Variants in HNMT observed in about 807,000 individuals in gnomAD.
HNMT encodes histamine N-methyltransferase.
A neutral mutation model predicts 32.1 loss-of-function variants in HNMT; 30 were observed. That is an observed-to-expected ratio of 0.93 (90% CI 0.70 to 1.27). The LOEUF is 1.27. Among genes scored for constraint, HNMT ranks in the 50% most tolerant of loss-of-function variants. The pLI is 0.00. For missense variants in HNMT, 327 were observed against 346.0 expected (o/e 0.95, Z 0.43); for synonymous variants, 125 against 119.0 (o/e 1.05, Z -0.33).
chr2:138,015,167 G>A lies in HNMT; in HGVS notation c.*1037G>A, dbSNP rs1413138029. The stretch of plus-strand genomic sequence containing the variant: ...TCTTTGGACTGTAGGATTTCAGGGG[G>A]GTTTTGAAAACAAATTTGATGTTTC... On this transcript the variant is annotated 3_prime_UTR_variant, in exon 6 of 6. Transcript: ENST00000280097. 2 of 151,650 alleles carry A rather than the reference G, an allele frequency of 1.3e-5. No homozygotes were observed. Among genetic ancestry groups the A allele is most frequent in the African/African-American group, 4.8e-5 (2 of 41,292 alleles). 9.4% of individuals were successfully genotyped at this position (151,650 alleles called of 1,614,324 possible).
At chr2:137,970,980 T>C (rs1481086593) in intron 2 of HNMT, among the ~76,000 whole-genome samples, 1 of 147,230 alleles carries the variant, frequency 6.8e-6, no homozygotes, top group East Asian at 2.0e-4. Context: ...AAAAAAGAAA[T>C]GTGCACTGGA....
chr2:138,005,913 A>G (rs561543064), intron 5 of HNMT, among the ~76,000 whole-genome samples: 2 of 144,650 alleles, frequency 1.4e-5, no homozygotes, highest in Admixed American at 7.2e-5. Context: ...ACCAGTACTT[A>G]CAGGTTGATT....
Position 137,964,634 on chromosome 2 carries a change from A to AAAAGGGACGTTGTTGTC in HNMT, c.137+15_137+31dup. 6.2e-7 allele frequency: 1 copy of AAAAGGGACGTTGTTGTC among 1,613,682 alleles called. No individual in the cohort carries two copies. Among genetic ancestry groups the AAAAGGGACGTTGTTGTC allele is most frequent in the Non-Finnish European group, 8.5e-7 (1 of 1,179,640 alleles). On this transcript the variant is annotated splice_region_variant and intron_variant, in intron 1 of 5. Transcript: ENST00000280097. ...CTGCCAGGCATAATAGGAAGGTAAC[A>AAAAGGGACGTTGTTGTC]AAAGGGACGTTGTTGTCAAAGGGAC...
chr2:137,970,295 A>G (rs1349133473), intron 2 of HNMT, 78 bp downstream of exon 2: 2 of 839,654 alleles, frequency 2.4e-6, no homozygotes, highest in Admixed American at 2.7e-5. Flanking sequence ...TTCATTTTTT[A>G]GGAAGACTTT....
rs774977773 is a variant in HNMT, at chr2:138,005,183, C to T, written c.481C>T (p.Leu161Phe). The T allele has an allele frequency of 5.0e-6, 8 of 1,603,566 alleles. No individual in the cohort carries two copies. The highest frequency in any genetic ancestry group is 1.7e-4 in the Middle Eastern group (1 of 6,022). The stretch of plus-strand genomic sequence containing the variant: ...AGCTACCCTGAAATTCTTCCATAGT[C>T]TCTTAGGTACCAATGCTAAGATGCT... Reference protein sequence around the residue: ...IPATLKFFHSLLGTNAKMLII... With the variant: ...IPATLKFFHSFLGTNAKMLII... Residue 161 changes from leucine to phenylalanine, a missense_variant, in exon 5 of 6, where the codon CTC (leucine) becomes TTC (phenylalanine). Transcript: ENST00000280097.
At chr2:138,001,046 T>A in intron 3 of HNMT, 21 bp downstream of exon 3, 9 of 1,263,888 alleles carry the variant, frequency 7.1e-6, no homozygotes, top group Non-Finnish European at 1.0e-5. Flanking sequence ...CTCCTGGTCC[T>A]CTACACCAGA....
intron 5 of HNMT, 112 bp downstream of exon 5, chr2:138,005,337 C>CT: frequency 1.4e-6 from 1 of 692,682 alleles, no homozygotes; most frequent in East Asian, 2.5e-5. Flanking sequence ...AAATTCTTGC[C>CT]TTGGCCTCTA....
intron 5 of HNMT, among the ~76,000 whole-genome samples, chr2:138,011,847 A>T (rs983196887): frequency 3.3e-5 from 5 of 152,124 alleles, no homozygotes; most frequent in Non-Finnish European, 5.9e-5. Flanking sequence ...TCCTTGTAGC[A>T]GTCTATAAAT....
In HNMT at chr2:138,002,077, G is replaced by A. The variant is rs766201149; in HGVS notation, c.312G>A (p.Lys104=). Residue 104 remains lysine (K), a synonymous_variant, in exon 4 of 6, where the codon AAG becomes AAA. Transcript: ENST00000280097. ...TCTGTATTTTAGAGCTTGTAGCCAA[G>A]ACATCGAACCTCGAGAACGTAAAGT... The part of the protein sequence containing the change: ...QIAKYKELVA[K]TSNLENVKFA... The A allele has an allele frequency of 6.3e-7, 1 of 1,586,064 alleles. No individual in the cohort carries two copies. The highest frequency in any genetic ancestry group is 1.7e-4 in the Middle Eastern group (1 of 5,912).
Position 138,005,179 on chromosome 2 carries a change from T to C in HNMT, c.477T>C (p.His159=), listed in dbSNP as rs1372751623. The C allele has an allele frequency of 1.2e-6, 2 of 1,604,116 alleles. No individual in the cohort carries two copies. Among genetic ancestry groups the C allele is most frequent in the Non-Finnish European group, 1.7e-6 (2 of 1,171,450 alleles). ...TCCCAGCTACCCTGAAATTCTTCCATAGTCTCTTAGGTACCAATGCTAAGA... is the reference window on the plus strand; with the variant it reads ...TCCCAGCTACCCTGAAATTCTTCCACAGTCTCTTAGGTACCAATGCTAAGA... ...KDIPATLKFF[H]SLLGTNAKML... The change falls in exon 5 of 6, where the codon CAT becomes CAC. Residue 159 remains histidine (H), a synonymous_variant. Transcript: ENST00000280097.
chr2:137,987,481 T>C (rs1187848451), intron 2 of HNMT, among the ~76,000 whole-genome samples: 1 of 152,158 alleles, frequency 6.6e-6, no homozygotes, highest in Non-Finnish European at 1.5e-5. Context: ...TTTTGACACA[T>C]TAGTTTGGCT....
chr2:137,998,906 G>A (rs1169288078), intron 2 of HNMT, among the ~76,000 whole-genome samples: 1 of 152,040 alleles, frequency 6.6e-6, no homozygotes, highest in Non-Finnish European at 1.5e-5. Flanking sequence ...AGAAAATTTT[G>A]GTCTCTAGTC....
chr2:137,990,511 G>C (rs1441391616), intron 2 of HNMT, among the ~76,000 whole-genome samples: 1 of 152,134 alleles, frequency 6.6e-6, no homozygotes, highest in African/African-American at 2.4e-5. Context: ...CTTGAAGTCA[G>C]ATAGTGTCGG....
intron 5 of HNMT, among the ~76,000 whole-genome samples, chr2:138,007,662 G>T (rs1253357375): frequency 6.6e-6 from 1 of 151,858 alleles, no homozygotes; most frequent in Non-Finnish European, 1.5e-5. Flanking sequence ...TTCAACTTTT[G>T]ATTTCTTCTC....
intron 5 of HNMT, among the ~76,000 whole-genome samples, chr2:138,006,402 CT>C (rs1251041742): frequency 6.6e-6 from 1 of 151,936 alleles, no homozygotes; most frequent in Non-Finnish European, 1.5e-5. Flanking sequence ...TATTTTTTAT[CT>C]TAGAATATAT....
intron 2 of HNMT, chr2:137,981,819 T>C (rs1375144196): frequency 1.9e-5 from 3 of 155,802 alleles, no homozygotes; most frequent in African/African-American, 7.2e-5. Flanking sequence ...ATAAGAAATT[T>C]GCGTTCTTTT....
intron 2 of HNMT, among the ~76,000 whole-genome samples, chr2:137,975,617 T>C (rs957223224): frequency 6.6e-6 from 1 of 152,296 alleles, no homozygotes; most frequent in African/African-American, 2.4e-5. Context: ...TCTCCTTTCA[T>C]AAATAACATG....
intron 5 of HNMT, among the ~76,000 whole-genome samples, chr2:138,008,247 T>C (rs1681388193): frequency 6.6e-6 from 1 of 152,072 alleles, no homozygotes; most frequent in Non-Finnish European, 1.5e-5. Flanking sequence ...GGTATTTGGT[T>C]TTCTGTTTCT....
intron 5 of HNMT, among the ~76,000 whole-genome samples, chr2:138,007,948 C>G (rs1681377157): frequency 6.6e-6 from 1 of 151,964 alleles, no homozygotes; most frequent in African/African-American, 2.4e-5. Context: ...CCTCTTAGTT[C>G]AGTGCTAAGA....
Sources: gnomAD v4.1 joint callset for allele counts (sites outside exome capture counted in the v4.1 genomes callset) on GRCh38, gnomAD v4.1.1 for gene constraint, MANE v1.5 for transcripts, NCBI Gene and HGNC (gene_info 2026-07-23, HGNC 2026-07-21) for gene names.